Variants in ZFHX3 observed in about 807,000 individuals in gnomAD.
The protein encoded by ZFHX3 is zinc finger homeobox protein 3.
ZFHX3 carries 42 observed loss-of-function variants against 279.1 expected under a neutral mutation model. The ratio of observed to expected loss-of-function variants is 0.15; its 90% CI spans 0.12 to 0.19. The LOEUF is 0.19. Among genes scored for constraint, ZFHX3 ranks in the 10% least tolerant of loss-of-function variants. ZFHX3 has a pLI of 1.00. For missense variants in ZFHX3, 4,981 were observed against 4,754.0 expected (o/e 1.05, Z -1.40); for synonymous variants, 2,293 against 1,957.8 (o/e 1.17, Z -4.52).
At chr16:73,469,664 C>A (rs2018631116) in intron 2 of ZFHX3, among the ~76,000 whole-genome samples, 2 of 152,016 alleles carry the variant, frequency 1.3e-5, no homozygotes, top group South Asian at 2.1e-4. Flanking sequence ...GTCACCCAGG[C>A]TGGAGTGCAG....
rs751674766 is a variant in ZFHX3, at chr16:72,800,100, G to T, written c.3894C>A (p.Ser1298Arg). Residue 1298 changes from serine (S) to arginine (R), a missense_variant, in exon 8 of 10, where the codon AGC (serine) becomes AGA (arginine). Transcript: ENST00000268489. ...GAACAGCTGCTGGGAGGAACATGCT[G>T]CTTGGCATCACCATCTCAGGGGTGG... ...TVTTPEMVMPSSMFLPAAVPD... is the reference protein window; with the variant it reads ...TVTTPEMVMPRSMFLPAAVPD... 1.2e-6 allele frequency: 2 copies of T among 1,614,072 alleles called. No homozygotes were observed. Among genetic ancestry groups the T allele is most frequent in the Admixed American group, 1.7e-5 (1 of 60,004 alleles).
intron 5 of ZFHX3, among the ~76,000 whole-genome samples, chr16:72,821,562 G>C (rs1412127296): frequency 6.6e-6 from 1 of 152,136 alleles, no homozygotes; most frequent in African/African-American, 2.4e-5. Context: ...TTTTTCACTT[G>C]TTGTTTGCCT....
intron 1 of ZFHX3, among the ~76,000 whole-genome samples, chr16:73,684,197 G>C (rs57092248): frequency 6.6e-6 from 1 of 152,168 alleles, no homozygotes; most frequent in African/African-American, 2.4e-5. Context: ...GAGAGGCTAA[G>C]ATAAGAGGAT....
intron 2 of ZFHX3, among the ~76,000 whole-genome samples, chr16:73,513,226 T>C (rs1465733632): frequency 4.6e-5 from 7 of 152,146 alleles, no homozygotes; most frequent in Non-Finnish European, 7.4e-5. Flanking sequence ...ACCATGGGGC[T>C]CTAGGTGATG....
chr16:73,779,901 T>A (rs1167162189), intron 1 of ZFHX3, among the ~76,000 whole-genome samples: 2 of 151,920 alleles, frequency 1.3e-5, no homozygotes, highest in African/African-American at 4.8e-5. Context: ...GTCTTTTTAG[T>A]ACAGATGGGG....
At chr16:73,797,227 A>ACAT (rs200726504) in intron 1 of ZFHX3, among the ~76,000 whole-genome samples, 2,633 of 152,100 alleles carry the variant, frequency 0.017, 84 homozygotes, top group African/African-American at 0.059. Context: ...AACAACAACA[A>ACAT]CAACAACAAA....
intron 8 of ZFHX3, among the ~76,000 whole-genome samples, chr16:73,087,354 C>G (rs112045768): frequency 2.0e-5 from 3 of 152,086 alleles, no homozygotes; most frequent in African/African-American, 7.2e-5. Flanking sequence ...ACGTACCCAG[C>G]GGGACAACAA....
intron 1 of ZFHX3, among the ~76,000 whole-genome samples, chr16:73,782,671 C>T (rs1959512387): frequency 6.6e-6 from 1 of 152,138 alleles, no homozygotes; most frequent in African/African-American, 2.4e-5. Context: ...GAGTGACAAG[C>T]TTAACTGCTG....
intron 2 of ZFHX3, among the ~76,000 whole-genome samples, chr16:73,574,255 T>G (rs1231184649): frequency 6.6e-6 from 1 of 152,190 alleles, no homozygotes; most frequent in Non-Finnish European, 1.5e-5. Context: ...TATTTCTCAT[T>G]GCTTAAAGAA....
chr16:73,484,095 G>A (rs763251597), intron 2 of ZFHX3, among the ~76,000 whole-genome samples: 3 of 152,124 alleles, frequency 2.0e-5, no homozygotes, highest in South Asian at 2.1e-4. Flanking sequence ...TCTGTTGCCC[G>A]AGCCCAGGGG....
intron 2 of ZFHX3, among the ~76,000 whole-genome samples, chr16:73,473,358 C>CAAAAAAA (rs1300049292): frequency 2.3e-5 from 1 of 43,162 alleles, no homozygotes; most frequent in Non-Finnish European, 4.9e-5. Context: ...AAAAAAAAAA[C>CAAAAAAA]AAAAAAAAAA....
chr16:73,256,936 A>G (rs950579417), intron 5 of ZFHX3: 10 of 152,130 alleles, frequency 6.6e-5, no homozygotes, highest in African/African-American at 2.4e-4. Flanking sequence ...AAATTATAAT[A>G]TAATTATAAT....
intron 2 of ZFHX3, among the ~76,000 whole-genome samples, chr16:73,569,482 A>G (rs569830671): frequency 2.0e-5 from 3 of 152,084 alleles, no homozygotes; most frequent in Admixed American, 6.5e-5. Context: ...TTCCTTTGAA[A>G]GAAGTTGTTA....
intron 1 of ZFHX3, among the ~76,000 whole-genome samples, chr16:73,762,557 C>G (rs2053881285): frequency 6.6e-6 from 1 of 152,100 alleles, no homozygotes; most frequent in Admixed American, 6.5e-5. Context: ...CTCACAATAG[C>G]AAAGACATGG....
At chr16:73,828,207 T>C (rs1285645772) in intron 1 of ZFHX3, among the ~76,000 whole-genome samples, 2 of 59,344 alleles carry the variant, frequency 3.4e-5, no homozygotes, top group Non-Finnish European at 6.3e-5. Context: ...GTCTGTTTTA[T>C]CAGAGACTAG....
chr16:73,538,008 GCTGA>G (rs2019937867), intron 2 of ZFHX3, among the ~76,000 whole-genome samples: 1 of 152,154 alleles, frequency 6.6e-6, no homozygotes, highest in African/African-American at 2.4e-5. Context: ...CTAGAGTCAT[GCTGA>G]CTGGTCATTT....
At chr16:73,822,148 T>A (rs921054706) in intron 1 of ZFHX3, among the ~76,000 whole-genome samples, 2 of 152,326 alleles carry the variant, frequency 1.3e-5, no homozygotes, top group African/African-American at 4.8e-5. Context: ...CTGGATCCAA[T>A]GCCAGCCCAG....
intron 1 of ZFHX3, among the ~76,000 whole-genome samples, chr16:73,847,717 T>C (rs1020281527): frequency 6.6e-6 from 1 of 151,942 alleles, no homozygotes; most frequent in African/African-American, 2.4e-5. Flanking sequence ...GTGTCTAGTA[T>C]ATAGCAAGTA....
chr16:73,504,353 A>C (rs1482518237), intron 2 of ZFHX3: 1 of 152,182 alleles, frequency 6.6e-6, no homozygotes, highest in African/African-American at 2.4e-5. Context: ...CAAAAACGTC[A>C]ATTGCAAGCC....
Sources: allele counts gnomAD v4.1 joint callset (sites outside exome capture counted in the v4.1 genomes callset), GRCh38; gene constraint gnomAD v4.1.1; transcripts MANE v1.5; gene names NCBI Gene and HGNC (gene_info 2026-07-23, HGNC 2026-07-21).